Variants in MECOM observed in about 807,000 individuals in gnomAD.
MECOM encodes the protein histone-lysine N-methyltransferase MECOM.
A neutral mutation model predicts 116.3 loss-of-function variants in MECOM; 13 were observed. The ratio of observed to expected loss-of-function variants is 0.11; its 90% CI spans 0.07 to 0.18. The LOEUF is 0.18. MECOM is among the 10% of genes least tolerant of loss of function. The pLI is 1.00. For synonymous variants in MECOM, 528 were observed against 535.2 expected (o/e 0.99, Z 0.19); for missense variants, 1,299 against 1,509.0 (o/e 0.86, Z 2.31).
chr3:169,346,306 A>G (rs1407060720), intron 2 of MECOM, among the ~76,000 whole-genome samples: 2 of 152,098 alleles, frequency 1.3e-5, no homozygotes, highest in Admixed American at 6.6e-5. Context: ...TGAACTGCAT[A>G]TTTTCAAAGT....
At chr3:169,439,001 A>G (rs954322153) in intron 1 of MECOM, among the ~76,000 whole-genome samples, 1 of 151,890 alleles carries the variant, frequency 6.6e-6, no homozygotes, top group African/African-American at 2.4e-5. Context: ...AGGCTACATT[A>G]AAATAAGACC....
At chr3:169,446,324 TAGTGACTATGTCTCA>T (rs1419784519) in intron 1 of MECOM, among the ~76,000 whole-genome samples, 1 of 152,176 alleles carries the variant, frequency 6.6e-6, no homozygotes, top group Non-Finnish European at 1.5e-5. Flanking sequence ...ACTCTCATGA[TAGTGACTATGTCTCA>T]CGAGATCTGA....
intron 2 of MECOM, among the ~76,000 whole-genome samples, chr3:169,235,998 T>C (rs980673890): frequency 6.6e-6 from 1 of 152,120 alleles, no homozygotes; most frequent in African/African-American, 2.4e-5. Context: ...ATTCTGATCT[T>C]TTGCTGGGCT....
chr3:169,147,973 A>G (rs1398964859), intron 2 of MECOM, among the ~76,000 whole-genome samples: 1 of 152,166 alleles, frequency 6.6e-6, no homozygotes, highest in Non-Finnish European at 1.5e-5. Context: ...AGCAACCTCA[A>G]GAGTGAAAAG....
chr3:169,102,016 G>A (rs768356717), intron 11 of MECOM, 44 bp downstream of exon 11: 15 of 1,558,660 alleles, frequency 9.6e-6, no homozygotes, highest in Non-Finnish European at 1.3e-5. Flanking sequence ...TGAAATCAGA[G>A]GGGAGATTTC....
chr3:169,218,562 A>G (rs1432048774), intron 2 of MECOM, among the ~76,000 whole-genome samples: 1 of 152,162 alleles, frequency 6.6e-6, no homozygotes, highest in Non-Finnish European at 1.5e-5. Context: ...AGGGTGAGGC[A>G]GGGGGAGGCA....
At chr3:169,575,369 A>G (rs1326708225) in intron 1 of MECOM, among the ~76,000 whole-genome samples, 2 of 152,180 alleles carry the variant, frequency 1.3e-5, no homozygotes, top group Non-Finnish European at 2.9e-5. Context: ...GTAGAAATAC[A>G]TTTAACAAAC....
chr3:169,217,841 G>A (rs1361651545), intron 2 of MECOM, among the ~76,000 whole-genome samples: 2 of 127,210 alleles, frequency 1.6e-5, no homozygotes, highest in African/African-American at 5.2e-5. Context: ...AAATATATAT[G>A]TAATATATAT....
intron 2 of MECOM, among the ~76,000 whole-genome samples, chr3:169,229,526 A>G (rs1336691054): frequency 6.6e-6 from 1 of 152,092 alleles, no homozygotes; most frequent in African/African-American, 2.4e-5. Context: ...CTAGCCAGGG[A>G]GTTAGGTGAG....
chr3:169,232,105 G>A (rs1410207868), intron 2 of MECOM, among the ~76,000 whole-genome samples: 1 of 152,132 alleles, frequency 6.6e-6, no homozygotes, highest in East Asian at 1.9e-4. Flanking sequence ...AAACTCTAAG[G>A]AACTTCCAAA....
intron 1 of MECOM, among the ~76,000 whole-genome samples, chr3:169,653,335 G>A (rs901801862): frequency 2.6e-5 from 4 of 152,116 alleles, no homozygotes; most frequent in African/African-American, 9.7e-5. Flanking sequence ...ACAGAAATGG[G>A]CTCTCCAGGA....
At position 169,472,613 on chromosome 3, in the gene MECOM, G is replaced by A. The variant is rs193190900; in HGVS notation, c.38-91089C>T. ...GAAAGGAAAGGAAAGGAAAGGAAAGGAAAGAAAAGAAAAGAAAAGAAAAGG... is the reference window on the plus strand; with the variant it reads ...GAAAGGAAAGGAAAGGAAAGGAAAGAAAAGAAAAGAAAAGAAAAGAAAAGG... On this transcript the variant is annotated intron_variant, in intron 1 of 16. Transcript: ENST00000651503. Among the ~76,000 whole-genome samples, 445 of 47,822 alleles carry A rather than the reference G, an allele frequency of 9.3e-3. 35 individuals are homozygous for A. Among genetic ancestry groups the A allele is most frequent in the Non-Finnish European group, 0.011 (296 of 27,984 alleles). The allele number at this position is 47,822 out of a possible 152,430, so 31.4% of individuals were successfully genotyped here. A position where few individuals can be genotyped will look rare whatever the true frequency, so the allele number is the denominator to read the frequency against.
intron 2 of MECOM, among the ~76,000 whole-genome samples, chr3:169,301,652 T>C (rs772684324): frequency 7.2e-5 from 11 of 152,150 alleles, no homozygotes; most frequent in African/African-American, 9.7e-5. Context: ...TCTAGGAAAA[T>C]CAAATAATGT....
intron 1 of MECOM, among the ~76,000 whole-genome samples, chr3:169,586,270 A>G (rs1765764993): frequency 6.6e-6 from 1 of 152,226 alleles, no homozygotes; most frequent in South Asian, 2.1e-4. Flanking sequence ...ATTTTTTTAC[A>G]TTATAAACCA....
intron 1 of MECOM, among the ~76,000 whole-genome samples, chr3:169,645,694 C>T (rs1174677039): frequency 6.6e-6 from 1 of 152,208 alleles, no homozygotes; most frequent in Non-Finnish European, 1.5e-5. Flanking sequence ...AGATCATTAT[C>T]TAGTTTAAAG....
At chr3:169,629,243 A>T (rs961988608) in intron 1 of MECOM, among the ~76,000 whole-genome samples, 2 of 151,774 alleles carry the variant, frequency 1.3e-5, no homozygotes, top group Non-Finnish European at 2.9e-5. Context: ...TACATTTTTT[A>T]AATGTCTATA....
At chr3:169,504,265 G>A (rs1244911214) in intron 1 of MECOM, among the ~76,000 whole-genome samples, 1 of 151,512 alleles carries the variant, frequency 6.6e-6, no homozygotes, top group African/African-American at 2.4e-5. Context: ...GGGAATGTGG[G>A]AGGTGGTTCA....
At chr3:169,295,555 T>C (rs1715424508) in intron 2 of MECOM, among the ~76,000 whole-genome samples, 2 of 152,224 alleles carry the variant, frequency 1.3e-5, no homozygotes, top group African/African-American at 4.8e-5. Context: ...ATAGTACTTG[T>C]AGAAAACATT....
intron 1 of MECOM, among the ~76,000 whole-genome samples, chr3:169,661,488 GAAC>G (rs1384843574): frequency 2.0e-5 from 3 of 152,144 alleles, no homozygotes; most frequent in East Asian, 3.8e-4. Flanking sequence ...CGAGTGTAAA[GAAC>G]AACACCCAAA....
Sources: gnomAD v4.1 joint callset for allele counts (sites outside exome capture counted in the v4.1 genomes callset) on GRCh38, gnomAD v4.1.1 for gene constraint, MANE v1.5 for transcripts, NCBI Gene and HGNC (gene_info 2026-07-23, HGNC 2026-07-21) for gene names.